The following TBCCD1 variants were observed in gnomAD, a reference collection of about 807,000 sequenced individuals.
TBCCD1 encodes TBCC domain containing 1, also known as TBCC domain-containing protein 1.
A neutral mutation model predicts 53.4 loss-of-function variants in TBCCD1; 26 were observed. The ratio of observed to expected loss-of-function variants is 0.49; its 90% CI spans 0.36 to 0.68. TBCCD1 has a LOEUF of 0.68. Ranked by LOEUF, TBCCD1 falls within the 30% of genes least tolerant of loss-of-function variation. The pLI is 0.00. For synonymous variants in TBCCD1, 245 were observed against 241.7 expected (o/e 1.01, Z -0.13); for missense variants, 558 against 669.5 (o/e 0.83, Z 1.84).
chr3:186,553,401 A>G (rs944535783), intron 6 of TBCCD1: 1 of 152,170 alleles, frequency 6.6e-6, no homozygotes, highest in African/African-American at 2.4e-5. Flanking sequence ...TTATAATGTT[A>G]TTATTGTACA....
intron 7 of TBCCD1, 123 bp downstream of exon 7, chr3:186,551,006 G>A (rs576604987): frequency 2.9e-5 from 27 of 915,600 alleles, no homozygotes; most frequent in Middle Eastern, 3.6e-4. Context: ...ATAAAGGTCC[G>A]TGTATGCTGG....
Position 186,555,037 on chromosome 3 carries a change from C to A in TBCCD1, c.907G>T (p.Ala303Ser). Residue 303 changes from alanine to serine, a missense_variant, in exon 5 of 8, where the codon GCC becomes TCC. Ala to Ser is a moderately conservative substitution (Grantham distance 99). Coordinates refer to ENST00000338733, the MANE Select transcript of TBCCD1 (RefSeq NM_018138.5). ...ACTACCAGTCGGTGCATCCTAGGGG[C>A]CACATGAGTATTACAAGCAATCTTA... ...RAKIACNTHV[A>S]PRMHRLVVMS... The A allele has an allele frequency of 6.2e-7, 1 of 1,612,824 alleles. No individual in the cohort carries two copies. Among genetic ancestry groups the A allele is most frequent in the Non-Finnish European group, 8.5e-7 (1 of 1,179,640 alleles).
chr3:186,554,801 A>T (rs1409615491), intron 5 of TBCCD1, 50 bp from the exon 6 acceptor site: 2 of 1,591,206 alleles, frequency 1.3e-6, no homozygotes, highest in African/African-American at 1.4e-5. Flanking sequence ...GATTTTAAAA[A>T]TTTGACTAAA....
At position 186,546,161 on chromosome 3, in the gene TBCCD1, A is replaced by T. The variant is rs80136319; in HGVS notation, c.*816T>A. Reference sequence around the variant, plus strand: ...ATTAAGTTCCATACTTTAAGGACTAAAATATAGTATAAAACTATTTCTATG... The same window carrying T: ...ATTAAGTTCCATACTTTAAGGACTATAATATAGTATAAAACTATTTCTATG... On this transcript the variant is annotated 3_prime_UTR_variant, in exon 8 of 8. Transcript: ENST00000338733. The T allele has an allele frequency of 6.6e-6, 1 of 152,214 alleles. No individual in the cohort carries two copies. Among genetic ancestry groups the T allele is most frequent in the African/African-American group, 2.4e-5 (1 of 41,468 alleles). 9.4% of individuals were successfully genotyped at this position (152,214 alleles called of 1,614,324 possible). A position where few individuals can be genotyped will look rare whatever the true frequency, so the allele number is the denominator to read the frequency against.
rs774222075 is a variant in TBCCD1, at chr3:186,564,162, T to G, written c.168A>C (p.Thr56=). 1 of 1,614,020 alleles carries G rather than the reference T, an allele frequency of 6.2e-7. No individual in the cohort carries two copies. The change falls in exon 2 of 8, where the codon ACA becomes ACC. Residue 56 remains threonine (T), a synonymous_variant. Transcript: ENST00000338733. ...GCTTCCCACAAGCGATGTGCCTCCA[T>G]GTAGACCAGTAGAGGCGCGGGTAAG... ...EGAYPRLYWS[T]WRHIACGKLQ...
At chr3:186,570,329 G>A (rs1714980737), upstream of TBCCD1, 3 of 536,726 alleles carry the variant, frequency 5.6e-6, no homozygotes, top group South Asian at 5.5e-5. Context: ...GAAATTCCGG[G>A]CTTGTAGCAC....
At position 186,555,091 on chromosome 3, in the gene TBCCD1, A is replaced by G. The variant is rs1714498443; in HGVS notation, c.860-7T>C. On this transcript the variant is annotated splice_polypyrimidine_tract_variant and splice_region_variant and intron_variant, in intron 4 of 7. Transcript: ENST00000338733. Reference sequence around the variant, plus strand: ...CTTTTGGTGGTCCCTTCAACTATTTAAGAAAACATATAAATAGATGAGGCA... The same window carrying G: ...CTTTTGGTGGTCCCTTCAACTATTTGAGAAAACATATAAATAGATGAGGCA... 1.3e-6 allele frequency: 2 copies of G among 1,588,552 alleles called. No individual in the cohort carries two copies. Among genetic ancestry groups the G allele is most frequent in the Non-Finnish European group, 1.7e-6 (2 of 1,168,504 alleles).
At position 186,546,871 on chromosome 3, in the gene TBCCD1, C is replaced by T. The variant is rs1448349035; in HGVS notation, c.*106G>A. ...AAAAGACAGAAAAGTCCCAATGTCT[C>T]TTAAGCAGCAATAGCACCTTCCCAA... On this transcript the variant is annotated 3_prime_UTR_variant, in exon 8 of 8. Transcript: ENST00000338733. 6.6e-6 allele frequency: 1 copy of T among 151,210 alleles called. No individual in the cohort carries two copies. The highest frequency in any genetic ancestry group is 1.5e-5 in the Non-Finnish European group (1 of 67,800). 9.4% of individuals were successfully genotyped at this position (151,210 alleles called of 1,614,324 possible).
chr3:186,564,721 A>T (rs1714779285), intron 1 of TBCCD1, among the ~76,000 whole-genome samples: 1 of 152,244 alleles, frequency 6.6e-6, no homozygotes, highest in Non-Finnish European at 1.5e-5. Flanking sequence ...CTGAGGGGGA[A>T]CACTGTTCAA....
intron 1 of TBCCD1, among the ~76,000 whole-genome samples, chr3:186,565,683 T>G (rs1714808306): frequency 6.6e-6 from 1 of 152,230 alleles, no homozygotes; most frequent in Non-Finnish European, 1.5e-5. Flanking sequence ...TTAAAAAATT[T>G]CATTACAAAA....
rs1376055606 is a variant in TBCCD1 at position 186,551,137 on chromosome 3, G to C, written c.*13C>G. On this transcript the variant is annotated 3_prime_UTR_variant, in exon 7 of 8. Coordinates refer to ENST00000338733, the MANE Select transcript of TBCCD1 (RefSeq NM_018138.5). ...GTGGTATAAATGCCTACCAGTGTCT[G>C]CATGTAAGATCCTTATCCAGCTGCT... 1.2e-6 allele frequency: 2 copies of C among 1,606,804 alleles called. No individual in the cohort carries two copies. The highest frequency in any genetic ancestry group is 2.2e-5 in the South Asian group (2 of 89,656).
chr3:186,569,308 T>TTTA (rs1553849535), upstream of TBCCD1, among the ~76,000 whole-genome samples: 772 of 150,554 alleles, frequency 5.1e-3, 10 homozygotes, highest in African/African-American at 0.017. Flanking sequence ...GACTTTTATT[T>TTTA]TTTATTTATT....
upstream of TBCCD1, among the ~76,000 whole-genome samples, chr3:186,568,233 C>T (rs1005740648): frequency 1.3e-5 from 2 of 152,218 alleles, no homozygotes; most frequent in Non-Finnish European, 2.9e-5. Flanking sequence ...CACAGTGGTA[C>T]GCACTAGAAT....
chr3:186,562,521 G>C (rs1714716234), intron 2 of TBCCD1, among the ~76,000 whole-genome samples: 1 of 152,202 alleles, frequency 6.6e-6, no homozygotes, highest in African/African-American at 2.4e-5. Flanking sequence ...ACTGACAAGG[G>C]CTAGGAGGAG....
intron 7 of TBCCD1, among the ~76,000 whole-genome samples, chr3:186,549,419 C>A (rs953802877): frequency 6.6e-6 from 1 of 152,110 alleles, no homozygotes; most frequent in South Asian, 2.1e-4. Context: ...TGCCTGTAAT[C>A]CCAGCACTTT....
intron 6 of TBCCD1, 72 bp from the exon 7 acceptor site, chr3:186,551,351 A>G: frequency 7.4e-7 from 1 of 1,346,946 alleles, no homozygotes; most frequent in Non-Finnish European, 1.0e-6. Flanking sequence ...AAGCAATTAT[A>G]CAATATTTTA....
At chr3:186,552,302 T>A (rs1714403984) in intron 6 of TBCCD1, among the ~76,000 whole-genome samples, 1 of 152,220 alleles carries the variant, frequency 6.6e-6, no homozygotes, top group African/African-American at 2.4e-5. Context: ...AGCCAGGAGC[T>A]AGCCTAGCAC....
chr3:186,570,336 G>A (rs1159436043), upstream of TBCCD1: 1 of 526,588 alleles, frequency 1.9e-6, no homozygotes, highest in Non-Finnish European at 3.4e-6. Flanking sequence ...CGGGCTTGTA[G>A]CACAGAGAAA....
chr3:186,551,286 T>C lies in TBCCD1; in HGVS notation c.1545-7A>G. 2 of 1,610,420 alleles carry C rather than the reference T, an allele frequency of 1.2e-6. No homozygotes were observed. Among genetic ancestry groups the C allele is most frequent in the Non-Finnish European group, 1.7e-6 (2 of 1,178,868 alleles). On this transcript the variant is annotated splice_region_variant and splice_polypyrimidine_tract_variant and intron_variant, in intron 6 of 7. Coordinates refer to ENST00000338733, the MANE Select transcript of TBCCD1 (RefSeq NM_018138.5). ...GAACTGCTTCCTTTGATCCCTAAAATTGCGATTATGAGTAAAAAGAATATA... is the reference window on the plus strand; with the variant it reads ...GAACTGCTTCCTTTGATCCCTAAAACTGCGATTATGAGTAAAAAGAATATA...
Sources: allele counts gnomAD v4.1 joint callset (sites outside exome capture counted in the v4.1 genomes callset), GRCh38; gene constraint gnomAD v4.1.1; transcripts MANE v1.5; gene names NCBI Gene and HGNC (gene_info 2026-07-23, HGNC 2026-07-21).